The following DCDC1 variants were observed in gnomAD, a reference collection of about 807,000 sequenced individuals.
DCDC1 encodes doublecortin domain containing 1, also known as doublecortin domain-containing protein 1.
In DCDC1, 200 loss-of-function variants were observed where a neutral mutation model predicts 178.3. That is an observed-to-expected ratio of 1.12 (90% CI 1.00 to 1.26). The LOEUF (loss-of-function observed/expected upper bound fraction) is 1.26, where lower values mean the gene tolerates loss of function less well. Among genes scored for constraint, DCDC1 ranks in the 50% most tolerant of loss-of-function variants. The pLI is 0.00. For synonymous variants in DCDC1, 690 were observed against 604.8 expected (o/e 1.14, Z -2.07); for missense variants, 1,983 against 1,749.2 (o/e 1.13, Z -2.38).
chr11:30,980,698 T>C lies in DCDC1; in HGVS notation c.2592-28130A>G, dbSNP rs1017619213. Among the ~76,000 whole-genome samples, 2 of 152,268 alleles carry C rather than the reference T, an allele frequency of 1.3e-5. 1 individual carries two copies. ...TGGATCAATAAATGAATGAAAAGAA[T>C]GCCTTTGACATAAACAAATAAAATA... On this transcript the variant is annotated intron_variant, in intron 20 of 38. Transcript: ENST00000684477.
intron 1 of DCDC1, among the ~76,000 whole-genome samples, chr11:31,361,983 C>T (rs1359432727): frequency 6.6e-6 from 1 of 152,122 alleles, no homozygotes; most frequent in East Asian, 1.9e-4. Flanking sequence ...TTACAGAGGG[C>T]CTAGAAATAT....
At chr11:31,213,106 T>TCTTTCTCTCTCTCTC (rs1972874373) in intron 9 of DCDC1, among the ~76,000 whole-genome samples, 2 of 21,012 alleles carry the variant, frequency 9.5e-5, no homozygotes, top group Non-Finnish European at 2.6e-4. Context: ...CCAGCCTCTC[T>TCTTTCTCTCTCTCTC]CTCTCTCTCT....
chr11:31,106,764 A>AT lies in DCDC1; in HGVS notation c.1751+32dup, dbSNP rs756599868. ...TTCAAATTAGCTCTCCCCTGGAAAG[A>AT]TTGAGGACAGAAAACAAACCCCTTG... On this transcript the variant is annotated intron_variant, in intron 13 of 38. Transcript: ENST00000684477. 8 of 762,270 alleles carry AT rather than the reference A, an allele frequency of 1.0e-5. No homozygotes were observed. The East Asian group carries it at 1.7e-4, about 16-fold the overall frequency. The allele number at this position is 762,270 out of a possible 1,614,324, so 47.2% of individuals were successfully genotyped here. A position where few individuals can be genotyped will look rare whatever the true frequency, so the allele number is the denominator to read the frequency against.
chr11:31,100,126 T>C (rs538003931), intron 15 of DCDC1, among the ~76,000 whole-genome samples: 23 of 152,250 alleles, frequency 1.5e-4, no homozygotes, highest in African/African-American at 5.3e-4. Context: ...GGTGGAATTC[T>C]AGTCAAAGAG....
chr11:31,300,931 A>T (rs913427132), intron 6 of DCDC1, among the ~76,000 whole-genome samples: 1 of 152,158 alleles, frequency 6.6e-6, no homozygotes, highest in African/African-American at 2.4e-5. Context: ...TTGGTATTTG[A>T]CAATACAAAG....
chr11:31,184,160 A>G (rs1042894198), intron 9 of DCDC1, among the ~76,000 whole-genome samples: 1 of 152,248 alleles, frequency 6.6e-6, no homozygotes, highest in African/African-American at 2.4e-5. Flanking sequence ...GATCTTTGAC[A>G]AGCCTGACAA....
chr11:31,113,280 A>G (rs1252461801), intron 11 of DCDC1, among the ~76,000 whole-genome samples: 1 of 151,746 alleles, frequency 6.6e-6, no homozygotes, highest in Non-Finnish European at 1.5e-5. Context: ...ATTCTGTAAC[A>G]TTTTCTTTTT....
At chr11:31,265,244 G>A (rs1945071621) in intron 8 of DCDC1, among the ~76,000 whole-genome samples, 2 of 151,958 alleles carry the variant, frequency 1.3e-5, no homozygotes, top group Non-Finnish European at 2.9e-5. Context: ...TTATAAAAAT[G>A]TATTAATTAC....
At chr11:31,036,054 C>A (rs1954005029) in intron 20 of DCDC1, among the ~76,000 whole-genome samples, 1 of 152,180 alleles carries the variant, frequency 6.6e-6, no homozygotes, top group Admixed American at 6.5e-5. Context: ...ATTTGTAAAG[C>A]AATTCCTAGC....
intron 9 of DCDC1, among the ~76,000 whole-genome samples, chr11:31,153,103 T>C (rs975977180): frequency 6.6e-6 from 1 of 152,172 alleles, no homozygotes; most frequent in Non-Finnish European, 1.5e-5. Flanking sequence ...TTTAGCTGGA[T>C]TTTGAGCTCT....
At chr11:31,273,374 C>T (rs981650512) in intron 7 of DCDC1, among the ~76,000 whole-genome samples, 3 of 152,138 alleles carry the variant, frequency 2.0e-5, no homozygotes, top group African/African-American at 4.8e-5. Context: ...AAGTTTCTTC[C>T]ACCAGATACC....
In DCDC1 at chr11:31,309,437, C is replaced by T. The variant is rs140077299; in HGVS notation, c.165-1529G>A. Among the ~76,000 whole-genome samples, 511 of 152,226 alleles carry T rather than the reference C, an allele frequency of 3.4e-3. 1 individual carries two copies. The highest frequency in any genetic ancestry group is 0.011 in the Admixed American group (162 of 15,290). ...ACCTAAGCCACTCAGATTTTGATAA[C>T]GGTGGTGAGTGACGGCATGTGGCAG... On this transcript the variant is annotated intron_variant, in intron 3 of 38. Coordinates refer to ENST00000684477, the MANE Select transcript of DCDC1 (RefSeq NM_001387274.1).
chr11:31,354,849 T>A (rs1951250498), intron 1 of DCDC1, among the ~76,000 whole-genome samples: 1 of 152,218 alleles, frequency 6.6e-6, no homozygotes, highest in African/African-American at 2.4e-5. Flanking sequence ...CTTGGCTTAC[T>A]TTACATTTTG....
At chr11:31,212,762 T>C (rs1417712969) in intron 9 of DCDC1, among the ~76,000 whole-genome samples, 1 of 152,242 alleles carries the variant, frequency 6.6e-6, no homozygotes, top group Non-Finnish European at 1.5e-5. Flanking sequence ...AATAAATCTG[T>C]ATTTTTTTCA....
intron 9 of DCDC1, among the ~76,000 whole-genome samples, chr11:31,178,482 A>G (rs1296129937): frequency 6.6e-6 from 1 of 152,206 alleles, no homozygotes; most frequent in Non-Finnish European, 1.5e-5. Context: ...TTTTTAAAAT[A>G]AGAACTCAAA....
chr11:31,176,531 C>G (rs775238148), intron 9 of DCDC1, among the ~76,000 whole-genome samples: 5 of 152,072 alleles, frequency 3.3e-5, no homozygotes, highest in South Asian at 2.1e-4. Flanking sequence ...ATATGAACAT[C>G]TAGATTCAGG....
rs142663695 is a variant in DCDC1 at position 31,140,524 on chromosome 11, G to C, written c.1222-2740C>G. The stretch of plus-strand genomic sequence containing the variant: ...CTTGCTGCTAAGATTTTTAAAACTT[G>C]TAACAAACATTAGCCATACATACTT... On this transcript the variant is annotated intron_variant, in intron 9 of 38. Coordinates refer to ENST00000684477, the MANE Select transcript of DCDC1 (RefSeq NM_001387274.1). 7.3e-4 allele frequency among the ~76,000 whole-genome samples: 111 copies of C among 152,200 alleles called. 1 individual carries two copies. The highest frequency in any genetic ancestry group is 2.4e-3 in the African/African-American group (99 of 41,534).
At chr11:31,121,858 G>A (rs1347305358) in intron 11 of DCDC1, among the ~76,000 whole-genome samples, 1 of 151,994 alleles carries the variant, frequency 6.6e-6, no homozygotes, top group East Asian at 1.9e-4. Flanking sequence ...AGATTAAAAT[G>A]AACAGAAAAC....
rs1279960872 is a variant in DCDC1, at chr11:30,909,028, G to T, written c.3836C>A (p.Ala1279Asp). 6.2e-7 allele frequency: 1 copy of T among 1,612,394 alleles called. No individual in the cohort carries two copies. Among genetic ancestry groups the T allele is most frequent in the Non-Finnish European group, 8.5e-7 (1 of 1,178,928 alleles). The part of the protein sequence containing the change: ...IKALVAFHST[A>D]LDKEITSANY... ...TGCTGATGTAATTTCCTTATCCAAGGCAGTGCTATGAAAGGCCACAAGTGC... is the reference window on the plus strand; with the variant it reads ...TGCTGATGTAATTTCCTTATCCAAGTCAGTGCTATGAAAGGCCACAAGTGC... The change falls in exon 29 of 39, where the codon GCC becomes GAC. Residue 1279 changes from alanine to aspartate, a missense_variant. Ala to Asp is a moderately radical substitution (Grantham distance 126, BLOSUM62 -2). Coordinates refer to ENST00000684477, the MANE Select transcript of DCDC1 (RefSeq NM_001387274.1).
Sources: allele counts gnomAD v4.1 joint callset (sites outside exome capture counted in the v4.1 genomes callset), GRCh38; gene constraint gnomAD v4.1.1; transcripts MANE v1.5; gene names NCBI Gene and HGNC (gene_info 2026-07-23, HGNC 2026-07-21).